SESTD1: variants seen among roughly 807,000 people sequenced by gnomAD.
The protein encoded by SESTD1 is SEC14 domain and spectrin repeat-containing protein 1.
A neutral mutation model predicts 101.7 loss-of-function variants in SESTD1; 43 were observed. The observed-to-expected ratio is 0.42, with a 90% CI of 0.33 to 0.55. The LOEUF is 0.55. SESTD1 is among the 20% of genes least tolerant of loss of function. The probability of loss-of-function intolerance (pLI) is 0.07; values close to 1 mark genes in which losing one functional copy is unlikely to be tolerated. For missense variants in SESTD1, 647 were observed against 815.1 expected, an observed-to-expected ratio of 0.79 and a Z score of 2.51; for synonymous variants, 283 against 286.8, an observed-to-expected ratio of 0.99 and a Z score of 0.13.
intron 17 of SESTD1, 55 bp downstream of exon 17, chr2:179,112,669 T>C: frequency 1.3e-6 from 2 of 1,495,992 alleles, no homozygotes; most frequent in Middle Eastern, 1.8e-4. Flanking sequence ...CTTTTAATGA[T>C]TTCACTTTAA....
At chr2:179,200,285 T>A (rs2046485330) in intron 1 of SESTD1, among the ~76,000 whole-genome samples, 1 of 152,164 alleles carries the variant, frequency 6.6e-6, no homozygotes. Context: ...TACAAACAAA[T>A]GGTAGAATAT....
intron 1 of SESTD1, among the ~76,000 whole-genome samples, chr2:179,199,864 C>T (rs904215922): frequency 6.6e-6 from 1 of 152,136 alleles, no homozygotes; most frequent in Non-Finnish European, 1.5e-5. Context: ...AAAACTGGCA[C>T]AAGACAGAGA....
chr2:179,243,259 A>C (rs2047181104), intron 1 of SESTD1, among the ~76,000 whole-genome samples: 1 of 152,208 alleles, frequency 6.6e-6, no homozygotes, highest in South Asian at 2.1e-4. Flanking sequence ...AAAAAATGAC[A>C]GATGCTGGCA....
At chr2:179,123,853 G>A (rs375959902) in intron 11 of SESTD1, 24 bp from the exon 12 acceptor site, 1 of 1,527,604 alleles carries the variant, frequency 6.5e-7, no homozygotes, top group Non-Finnish European at 9.1e-7. Context: ...ACACCAAAGA[G>A]ATAACCCTGA....
chr2:179,146,672 A>C (rs938991779), intron 7 of SESTD1, among the ~76,000 whole-genome samples: 9 of 152,212 alleles, frequency 5.9e-5, no homozygotes, highest in African/African-American at 2.2e-4. Flanking sequence ...TAAATCATAA[A>C]ATAACTACTT....
chr2:179,184,974 G>T (rs763243519), intron 2 of SESTD1, among the ~76,000 whole-genome samples: 1 of 152,090 alleles, frequency 6.6e-6, no homozygotes, highest in Non-Finnish European at 1.5e-5. Flanking sequence ...ATGGTCAAAA[G>T]CATCAAATGC....
At chr2:179,129,801 C>T (rs1484487226) in intron 10 of SESTD1, among the ~76,000 whole-genome samples, 1 of 152,182 alleles carries the variant, frequency 6.6e-6, no homozygotes, top group Non-Finnish European at 1.5e-5. Context: ...CATCCAGCAT[C>T]AACCAACCTA....
intron 5 of SESTD1, among the ~76,000 whole-genome samples, chr2:179,161,273 C>T (rs1407425936): frequency 6.6e-6 from 1 of 151,894 alleles, no homozygotes; most frequent in Non-Finnish European, 1.5e-5. Flanking sequence ...TTGTATTTTT[C>T]CCACCTAACA....
chr2:179,229,811 AC>A (rs1395407168), intron 1 of SESTD1, among the ~76,000 whole-genome samples: 4 of 146,066 alleles, frequency 2.7e-5, no homozygotes, highest in African/African-American at 1.0e-4. Context: ...ACACACACAC[AC>A]ACACAACCCT....
intron 5 of SESTD1, among the ~76,000 whole-genome samples, chr2:179,170,035 A>G (rs1452780396): frequency 6.6e-6 from 1 of 152,004 alleles, no homozygotes; most frequent in Non-Finnish European, 1.5e-5. Flanking sequence ...GCTCACAAAC[A>G]TTAACTCAAA....
chr2:179,208,811 G>T (rs115165468), intron 1 of SESTD1, among the ~76,000 whole-genome samples: 1,608 of 134,244 alleles, frequency 0.012, 410 homozygotes, highest in African/African-American at 0.044. Flanking sequence ...ATAACACAAT[G>T]AAAACAAACC....
chr2:179,155,810 T>C (rs1227674741), intron 5 of SESTD1, among the ~76,000 whole-genome samples: 3 of 152,114 alleles, frequency 2.0e-5, no homozygotes, highest in African/African-American at 7.2e-5. Context: ...TCTTTAGTGG[T>C]GATTTGTGAG....
intron 3 of SESTD1, among the ~76,000 whole-genome samples, chr2:179,180,622 T>C (rs887218623): frequency 6.6e-6 from 1 of 152,206 alleles, no homozygotes; most frequent in Non-Finnish European, 1.5e-5. Flanking sequence ...TTATTAGTTT[T>C]AGATTTTCTA....
At chr2:179,210,257 T>C (rs1026974264) in intron 1 of SESTD1, among the ~76,000 whole-genome samples, 1 of 121,206 alleles carries the variant, frequency 8.3e-6, no homozygotes, top group Admixed American at 7.3e-5. Flanking sequence ...CTATCAAACA[T>C]TCAAAGAAGA....
At chr2:179,169,742 G>T (rs963959125) in intron 5 of SESTD1, among the ~76,000 whole-genome samples, 24 of 152,064 alleles carry the variant, frequency 1.6e-4, no homozygotes, top group African/African-American at 5.8e-4. Flanking sequence ...AGCACTTTGG[G>T]AGGCCGAGGT....
At chr2:179,198,867 T>C (rs1342548893) in intron 1 of SESTD1, among the ~76,000 whole-genome samples, 3 of 150,638 alleles carry the variant, frequency 2.0e-5, no homozygotes, top group Non-Finnish European at 3.0e-5. Flanking sequence ...AGATCCAAAA[T>C]TGACACCCTA....
intron 9 of SESTD1, among the ~76,000 whole-genome samples, chr2:179,137,037 AAATGCATT>A (rs2045161730): frequency 6.6e-6 from 1 of 152,200 alleles, no homozygotes; most frequent in Non-Finnish European, 1.5e-5. Context: ...AAGTCTATTT[AAATGCATT>A]AATAATGGCA....
chr2:179,211,041 T>A lies in SESTD1; in HGVS notation c.-25-19175A>T, dbSNP rs1410115231. 1.6e-4 allele frequency among the ~76,000 whole-genome samples: 21 copies of A among 127,658 alleles called. 3 individuals are homozygous for A. Among genetic ancestry groups the A allele is most frequent in the Admixed American group, 6.1e-4 (8 of 13,092 alleles). 83.7% of individuals were successfully genotyped at this position (127,658 alleles called of 152,430 possible). ...ACACCAACAGCAACGAAGCTGAGAATCAAATCAAGAACTCAGACCCTTTTA... is the reference window on the plus strand; with the variant it reads ...ACACCAACAGCAACGAAGCTGAGAAACAAATCAAGAACTCAGACCCTTTTA... On this transcript the variant is annotated intron_variant, in intron 1 of 17. Transcript: ENST00000428443.
At position 179,181,991 on chromosome 2, in the gene SESTD1, TAA is replaced by T. The variant is rs35017699; in HGVS notation, c.164+1087_164+1088del. Reference sequence around the variant, plus strand: ...ATGAAGACCGCTGTTTCCACAATATTAAAAAAAAAAAAAAAACAGCAACAGAA... The same window carrying T: ...ATGAAGACCGCTGTTTCCACAATATTAAAAAAAAAAAAAACAGCAACAGAA... On this transcript the variant is annotated intron_variant, in intron 3 of 17. Transcript: ENST00000428443. Among the ~76,000 whole-genome samples the T allele has an allele frequency of 5.5e-3, 772 of 139,576 alleles. 2 individuals are homozygous for T. The highest frequency in any genetic ancestry group is 0.013 in the African/African-American group (507 of 37,950). The allele number at this position is 139,576 out of a possible 152,430, so 91.6% of individuals were successfully genotyped here.
Sources: gnomAD v4.1 joint callset for allele counts (sites outside exome capture counted in the v4.1 genomes callset) on GRCh38, gnomAD v4.1.1 for gene constraint, MANE v1.5 for transcripts, NCBI Gene and HGNC (gene_info 2026-07-23, HGNC 2026-07-21) for gene names.